Variants in AHCTF1 observed in about 807,000 individuals in gnomAD.
AHCTF1 encodes protein ELYS.
In AHCTF1, 24 loss-of-function variants were observed where a neutral mutation model predicts 248.4. The ratio of observed to expected loss-of-function variants is 0.10; its 90% CI spans 0.07 to 0.14. The LOEUF is 0.14. Among genes scored for constraint, AHCTF1 ranks in the 10% least tolerant of loss-of-function variants. AHCTF1 has a pLI of 1.00. For synonymous variants in AHCTF1, 786 were observed against 929.8 expected (o/e 0.85, Z 2.81); for missense variants, 2,206 against 2,636.2 (o/e 0.84, Z 3.57).
At chr1:246,846,739 T>C (rs1047902998) in intron 33 of AHCTF1, among the ~76,000 whole-genome samples, 1 of 150,582 alleles carries the variant, frequency 6.6e-6, no homozygotes, top group Non-Finnish European at 1.5e-5. Flanking sequence ...TACATATACA[T>C]ATATATATTT....
rs766295291 is a variant in AHCTF1 at position 246,841,012 on chromosome 1, A to C, written c.6609-14T>G. On this transcript the variant is annotated splice_polypyrimidine_tract_variant and intron_variant, in intron 35 of 35. Coordinates refer to ENST00000648844, the MANE Select transcript of AHCTF1 (RefSeq NM_001323342.2). Reference sequence around the variant, plus strand: ...TTTTCTGTGTTTCTGAAAAAAAAAGATATGATCAAGTAAGAATAAACACAT... The same window carrying C: ...TTTTCTGTGTTTCTGAAAAAAAAAGCTATGATCAAGTAAGAATAAACACAT... The C allele has an allele frequency of 1.9e-6, 3 of 1,585,982 alleles. No homozygotes were observed. In the East Asian group the frequency reaches 6.7e-5, roughly 36 times the overall value.
intron 8 of AHCTF1, among the ~76,000 whole-genome samples, chr1:246,901,067 C>T (rs1363313140): frequency 6.6e-6 from 1 of 152,170 alleles, no homozygotes; most frequent in Non-Finnish European, 1.5e-5. Context: ...TGGCCAGGTG[C>T]AGTGGCTCAC....
At chr1:246,854,815 C>G (rs1374086588) in intron 31 of AHCTF1, among the ~76,000 whole-genome samples, 2 of 152,166 alleles carry the variant, frequency 1.3e-5, no homozygotes, top group Admixed American at 6.5e-5. Flanking sequence ...GTTAGGAACC[C>G]ACACATTCGG....
chr1:246,889,730 T>C (rs888223196), intron 17 of AHCTF1, among the ~76,000 whole-genome samples: 6 of 152,210 alleles, frequency 3.9e-5, no homozygotes, highest in African/African-American at 1.4e-4. Context: ...TCCAGAAGTG[T>C]GGTCAAGACT....
chr1:246,860,052 G>C (rs57201275), intron 29 of AHCTF1, among the ~76,000 whole-genome samples: 1 of 152,098 alleles, frequency 6.6e-6, no homozygotes, highest in Non-Finnish European at 1.5e-5. Flanking sequence ...ACGAGGTCAG[G>C]AGTTCGAGAC....
At chr1:246,885,262 A>G (rs975747615) in intron 21 of AHCTF1, among the ~76,000 whole-genome samples, 36 of 152,178 alleles carry the variant, frequency 2.4e-4, no homozygotes, top group Admixed American at 2.2e-3. Context: ...CTCAAATTTC[A>G]AAGTTGGTCC....
In AHCTF1 at chr1:246,913,249, T is replaced by A; in HGVS notation, c.539A>T (p.Asn180Ile). 6.2e-7 allele frequency: 1 copy of A among 1,604,998 alleles called. No homozygotes were observed. The change falls in exon 4 of 36, where the codon AAT (asparagine) becomes ATT (isoleucine). Residue 180 changes from asparagine to isoleucine, a missense_variant. Transcript: ENST00000648844. ...CTGATTACCTGATGCTTCAACTTCA[T>A]TTTGATTGCATGACAAGTCATCCAA... ...LCLDDLSCNQ[N>I]EVEASDLEVL...
chr1:246,901,805 G>C (rs550575657), intron 8 of AHCTF1, among the ~76,000 whole-genome samples: 1 of 152,196 alleles, frequency 6.6e-6, no homozygotes, highest in South Asian at 2.1e-4. Context: ...ACTGGCCTGG[G>C]CATCAGAGTG....
chr1:246,896,557 G>T (rs1200288250), intron 12 of AHCTF1, among the ~76,000 whole-genome samples: 3 of 152,166 alleles, frequency 2.0e-5, no homozygotes, highest in African/African-American at 7.2e-5. Flanking sequence ...GGTAGGATGG[G>T]GCAGGCAGGA....
At chr1:246,883,391 G>A (rs967357217) in intron 21 of AHCTF1, among the ~76,000 whole-genome samples, 10 of 152,156 alleles carry the variant, frequency 6.6e-5, no homozygotes, top group African/African-American at 2.2e-4. Flanking sequence ...ATGACCGCAG[G>A]AGATACTCAG....
intron 14 of AHCTF1, among the ~76,000 whole-genome samples, chr1:246,892,243 AG>A (rs1664253239): frequency 6.6e-6 from 1 of 151,596 alleles, no homozygotes; most frequent in Non-Finnish European, 1.5e-5. Flanking sequence ...TCACTGGTCT[AG>A]AAAACAACTG....
intron 1 of AHCTF1, among the ~76,000 whole-genome samples, chr1:246,921,398 C>G (rs1354432260): frequency 6.6e-6 from 1 of 152,108 alleles, no homozygotes; most frequent in Non-Finnish European, 1.5e-5. Context: ...TGCACCCACT[C>G]ACCAAATAAA....
intron 6 of AHCTF1, 96 bp downstream of exon 6, chr1:246,905,445 C>T (rs1441450239): frequency 1.8e-5 from 17 of 961,214 alleles, no homozygotes; most frequent in South Asian, 2.9e-5. Flanking sequence ...TGCAGTGAGC[C>T]GAAATCACGC....
chr1:246,883,510 C>T (rs1446034030), intron 21 of AHCTF1, among the ~76,000 whole-genome samples: 1 of 152,172 alleles, frequency 6.6e-6, no homozygotes, highest in African/African-American at 2.4e-5. Context: ...ATCTCCTGGG[C>T]AATAAACATG....
chr1:246,844,062 G>A lies in AHCTF1; in HGVS notation c.6392-134C>T, dbSNP rs1660071878. The A allele has an allele frequency of 7.3e-6, 4 of 550,032 alleles. No homozygotes were observed. The East Asian group carries it at 1.1e-4, about 15-fold the overall frequency. The allele number at this position is 550,032 out of a possible 1,614,324, so 34.1% of individuals were successfully genotyped here. ...CCCAAACCTGGAAACCATTAGTATT[G>A]CAACCTAAGTATCCATGTTGGCAGA... On this transcript the variant is annotated intron_variant, in intron 33 of 35. Coordinates refer to ENST00000648844, the MANE Select transcript of AHCTF1 (RefSeq NM_001323342.2).
At chr1:246,905,720 A>G in intron 5 of AHCTF1, 63 bp from the exon 6 acceptor site, 1 of 1,344,690 alleles carries the variant, frequency 7.4e-7, no homozygotes, top group East Asian at 2.5e-5. Flanking sequence ...AAGGTACATC[A>G]TGTAAGAACT....
chr1:246,891,661 G>A (rs1664213305), intron 15 of AHCTF1, 118 bp downstream of exon 15: 6 of 1,084,062 alleles, frequency 5.5e-6, no homozygotes, highest in Non-Finnish European at 7.8e-6. Flanking sequence ...CCTAGCACTG[G>A]AGAAATAAAG....
chr1:246,919,376 C>G (rs548584313), intron 1 of AHCTF1, among the ~76,000 whole-genome samples: 1 of 152,280 alleles, frequency 6.6e-6, no homozygotes, highest in Admixed American at 6.5e-5. Context: ...ACAACATTTT[C>G]TTTCATACAA....
At chr1:246,912,625 A>G (rs1006364968) in intron 4 of AHCTF1, among the ~76,000 whole-genome samples, 2 of 152,216 alleles carry the variant, frequency 1.3e-5, no homozygotes, top group Non-Finnish European at 2.9e-5. Context: ...AGAGACTCAC[A>G]ATTTTCAAAA....
Sources: gnomAD v4.1 joint callset for allele counts (sites outside exome capture counted in the v4.1 genomes callset) on GRCh38, gnomAD v4.1.1 for gene constraint, MANE v1.5 for transcripts, NCBI Gene and HGNC (gene_info 2026-07-23, HGNC 2026-07-21) for gene names.